Variants in PCDH15 observed in about 807,000 individuals in gnomAD.
PCDH15 encodes the protein protocadherin related 15, also known as protocadherin-15.
A neutral mutation model predicts 178.5 loss-of-function variants in PCDH15; 129 were observed. That is an observed-to-expected ratio of 0.72 (90% CI 0.63 to 0.84). The LOEUF (loss-of-function observed/expected upper bound fraction) is 0.84, where lower values mean the gene tolerates loss of function less well. PCDH15 is among the 40% of genes least tolerant of loss of function. The pLI, the probability that PCDH15 is intolerant of heterozygous loss-of-function variation, is 0.00. For synonymous variants in PCDH15, 800 were observed against 732.0 expected, an observed-to-expected ratio of 1.09 and a Z score of -1.50; for missense variants, 2,230 against 2,099.9, an observed-to-expected ratio of 1.06 and a Z score of -1.21.
chr10:54,807,257 G>T (rs966493311), intron 3 of PCDH15, among the ~76,000 whole-genome samples: 1 of 152,024 alleles, frequency 6.6e-6, no homozygotes, highest in South Asian at 2.1e-4. Context: ...TTTAAAAATC[G>T]TATAGAACAT....
chr10:54,870,204 T>C (rs1174816214), intron 3 of PCDH15, among the ~76,000 whole-genome samples: 1 of 152,146 alleles, frequency 6.6e-6, no homozygotes, highest in Non-Finnish European at 1.5e-5. Context: ...CTGACACAAG[T>C]AGTTGTTAAC....
chr10:54,238,190 T>TA (rs1330462703), intron 8 of PCDH15, among the ~76,000 whole-genome samples: 1 of 152,126 alleles, frequency 6.6e-6, no homozygotes, highest in Admixed American at 6.5e-5. Context: ...CCTTACATTC[T>TA]AAAAAATTAC....
chr10:55,529,249 A>G (rs1841388178), intron 2 of PCDH15, among the ~76,000 whole-genome samples: 1 of 151,840 alleles, frequency 6.6e-6, no homozygotes, highest in Middle Eastern at 3.4e-3. Context: ...CCACTTGTCA[A>G]TTTTGGCTTT....
chr10:54,915,179 T>A (rs1954879741), intron 2 of PCDH15, among the ~76,000 whole-genome samples: 1 of 152,194 alleles, frequency 6.6e-6, no homozygotes, highest in Non-Finnish European at 1.5e-5. Context: ...ATGGAATATA[T>A]GGAATAAATT....
chr10:54,168,417 T>C (rs2046492305), intron 13 of PCDH15, among the ~76,000 whole-genome samples: 1 of 151,562 alleles, frequency 6.6e-6, no homozygotes, highest in Non-Finnish European at 1.5e-5. Flanking sequence ...ATCTGACCTC[T>C]CCCTTCCTCC....
At chr10:54,199,004 A>G (rs1023841534) in intron 10 of PCDH15, among the ~76,000 whole-genome samples, 3 of 152,182 alleles carry the variant, frequency 2.0e-5, no homozygotes, top group Non-Finnish European at 4.4e-5. Context: ...AAGCCAGTAA[A>G]AATATGTATT....
intron 1 of PCDH15, among the ~76,000 whole-genome samples, chr10:54,711,034 C>A (rs1343533538): frequency 1.3e-5 from 2 of 151,920 alleles, no homozygotes; most frequent in Non-Finnish European, 1.5e-5. Flanking sequence ...GACAGCATGG[C>A]AACACTCTAT....
chr10:54,763,012 C>T (rs188686204), intron 1 of PCDH15, among the ~76,000 whole-genome samples: 2 of 152,196 alleles, frequency 1.3e-5, no homozygotes, highest in East Asian at 3.9e-4. Flanking sequence ...TGCAGTTAAT[C>T]CCTGATTACT....
At chr10:54,140,037 A>G (rs1380924415) in intron 14 of PCDH15, among the ~76,000 whole-genome samples, 2 of 152,188 alleles carry the variant, frequency 1.3e-5, no homozygotes, top group Non-Finnish European at 2.9e-5. Flanking sequence ...TCATGCCTGT[A>G]CAAAGAAAAT....
At chr10:54,849,866 G>A (rs972656003) in intron 3 of PCDH15, among the ~76,000 whole-genome samples, 8 of 152,088 alleles carry the variant, frequency 5.3e-5, no homozygotes, top group South Asian at 4.1e-4. Flanking sequence ...TGGTTGAACC[G>A]ATTTGTGGTT....
intron 2 of PCDH15, among the ~76,000 whole-genome samples, chr10:54,999,898 A>G (rs183378569): frequency 3.7e-4 from 56 of 152,334 alleles, no homozygotes; most frequent in African/African-American, 1.2e-3. Context: ...CTGTAAAACC[A>G]GCAAGTTTTT....
At chr10:53,871,221 G>A (rs2079823365) in intron 26 of PCDH15, among the ~76,000 whole-genome samples, 1 of 151,120 alleles carries the variant, frequency 6.6e-6, no homozygotes, top group Non-Finnish European at 1.5e-5. Flanking sequence ...GGCACCTGTA[G>A]TCCCAGCTAC....
At position 53,867,294 on chromosome 10, in the gene PCDH15, T is replaced by C. The variant is rs888802252; in HGVS notation, c.3502-437A>G. ...ATTTCATGTAACATAATGTCCTAGA[T>C]AGGGAGAATATGTTCTAGTGCTCTA... On this transcript the variant is annotated intron_variant, in intron 26 of 37. Coordinates refer to ENST00000644397, the MANE Select transcript of PCDH15 (RefSeq NM_001384140.1). Among the ~76,000 whole-genome samples, 15 of 152,134 alleles carry C rather than the reference T, an allele frequency of 9.9e-5. No homozygotes were observed. In the East Asian group the frequency reaches 2.9e-3, roughly 29 times the overall value.
intron 3 of PCDH15, among the ~76,000 whole-genome samples, chr10:54,392,787 T>C (rs960737500): frequency 6.6e-6 from 1 of 150,894 alleles, no homozygotes; most frequent in African/African-American, 2.4e-5. Context: ...TAGTCTCAGA[T>C]ACTCGAGAGT....
rs568467751 is a variant in PCDH15 at position 54,905,148 on chromosome 10, C to A, written c.-79-7648G>T. 7.2e-5 allele frequency among the ~76,000 whole-genome samples: 11 copies of A among 152,110 alleles called. No individual in the cohort carries two copies. The South Asian group carries it at 2.1e-3, about 29-fold the overall frequency. On this transcript the variant is annotated intron_variant, in intron 2 of 5. Coordinates refer to the PCDH15 transcript ENST00000458638. ...AGGATTTGGCCTCAAAGTCCAGATT[C>A]TTTCCTCAGTTGCACAGTGCCACAT...
intron 26 of PCDH15, among the ~76,000 whole-genome samples, chr10:53,867,786 T>C (rs1263339656): frequency 6.6e-6 from 1 of 152,164 alleles, no homozygotes; most frequent in Non-Finnish European, 1.5e-5. Flanking sequence ...AGTTGAGTTA[T>C]AACAAATTTA....
At chr10:54,694,121 C>T (rs1362501832) in intron 1 of PCDH15, among the ~76,000 whole-genome samples, 3 of 152,036 alleles carry the variant, frequency 2.0e-5, no homozygotes, top group Non-Finnish European at 2.9e-5. Context: ...ATTAAAAATT[C>T]TCAATAAGAA....
chr10:54,691,936 A>T (rs2095129466), intron 1 of PCDH15, among the ~76,000 whole-genome samples: 1 of 152,202 alleles, frequency 6.6e-6, no homozygotes, highest in Admixed American at 6.5e-5. Flanking sequence ...AAGTATGCCA[A>T]GTAATACTTT....
intron 21 of PCDH15, among the ~76,000 whole-genome samples, chr10:53,973,303 A>T (rs10763037): frequency 5.2e-5 from 6 of 115,840 alleles, no homozygotes; most frequent in South Asian, 3.4e-4. Flanking sequence ...GGGTGGGGGG[A>T]GGGGGGAGGG....
Sources: gnomAD v4.1 joint callset for allele counts (sites outside exome capture counted in the v4.1 genomes callset) on GRCh38, gnomAD v4.1.1 for gene constraint, MANE v1.5 for transcripts, NCBI Gene and HGNC (gene_info 2026-07-23, HGNC 2026-07-21) for gene names.